Variants in ZNF831 observed in about 807,000 individuals in gnomAD.
ZNF831 encodes chromosome 20 open reading frame 174.
In ZNF831, 59 loss-of-function variants were observed where a neutral mutation model predicts 95.8. The observed-to-expected ratio is 0.62, with a 90% CI of 0.50 to 0.77. ZNF831 has a LOEUF of 0.77. Ranked by LOEUF, ZNF831 falls within the 30% of genes least tolerant of loss-of-function variation. The probability of loss-of-function intolerance (pLI) is 0.00; values close to 1 mark genes in which losing one functional copy is unlikely to be tolerated. For missense variants in ZNF831, 2,205 were observed against 2,164.0 expected (o/e 1.02, Z -0.38); for synonymous variants, 961 against 925.5 (o/e 1.04, Z -0.70).
At chr20:59,196,395 T>G (rs879441578) in intron 3 of ZNF831, among the ~76,000 whole-genome samples, 1 of 152,186 alleles carries the variant, frequency 6.6e-6, no homozygotes, top group Non-Finnish European at 1.5e-5. Context: ...ATCCTAGTAA[T>G]CTCGCCACGC....
Position 59,258,099 on chromosome 20 carries a change from T to G in ZNF831, c.*3356T>G, listed in dbSNP as rs568516212. On this transcript the variant is annotated 3_prime_UTR_variant, in exon 6 of 6. Transcript: ENST00000371030. Reference sequence around the variant, plus strand: ...CCTGTTAGGCTTAACCCTTGAGATTTGAGACAAAGCTAATAATCCCCTTTG... The same window carrying G: ...CCTGTTAGGCTTAACCCTTGAGATTGGAGACAAAGCTAATAATCCCCTTTG... The G allele has an allele frequency of 7.4e-6, 1 of 134,532 alleles. No individual in the cohort carries two copies. Among genetic ancestry groups the G allele is most frequent in the Non-Finnish European group, 1.5e-5 (1 of 64,988 alleles). 8.3% of individuals were successfully genotyped at this position (134,532 alleles called of 1,614,324 possible). A position where few individuals can be genotyped will look rare whatever the true frequency, so the allele number is the denominator to read the frequency against.
chr20:59,234,367 A>T (rs1600666937), intron 4 of ZNF831, among the ~76,000 whole-genome samples: 1 of 152,218 alleles, frequency 6.6e-6, no homozygotes, highest in Non-Finnish European at 1.5e-5. Context: ...GTGGGCCTGA[A>T]ATTCTTAATA....
chr20:59,243,361 G>A (rs1987433431), intron 4 of ZNF831, among the ~76,000 whole-genome samples: 1 of 152,222 alleles, frequency 6.6e-6, no homozygotes, highest in South Asian at 2.1e-4. Flanking sequence ...ACCTAATCAC[G>A]TTGAAGAGGT....
At chr20:59,199,071 A>ATATCTATCTATC (rs71183162) in intron 3 of ZNF831, among the ~76,000 whole-genome samples, 1 of 95,314 alleles carries the variant, frequency 1.0e-5, no homozygotes, top group Non-Finnish European at 2.1e-5. Context: ...ATCAACTTAC[A>ATATCTATCTATC]TATCTATCTA....
At chr20:59,225,524 G>A (rs754389556) in intron 4 of ZNF831, among the ~76,000 whole-genome samples, 6 of 152,180 alleles carry the variant, frequency 3.9e-5, no homozygotes, top group South Asian at 2.1e-4. Context: ...ATTAATCAAC[G>A]TCTGTTGGAA....
At position 59,208,176 on chromosome 20, in the gene ZNF831, G is replaced by C. The variant is rs954676639; in HGVS notation, c.4027+1120G>C. 6.6e-6 allele frequency among the ~76,000 whole-genome samples: 1 copy of C among 152,220 alleles called. No individual in the cohort carries two copies. The highest frequency in any genetic ancestry group is 2.4e-5 in the African/African-American group (1 of 41,468). ...GAGAGGCTGGGATGCAGGGGGTTGG[G>C]TAGGTGGAAATTCCATCAAGAAGCT... On this transcript the variant is annotated intron_variant, in intron 4 of 5. Transcript: ENST00000371030. This position sits in a 1 kb window ranked among gnomAD's most constrained non-coding sequence, Gnocchi z 4.2.
upstream of ZNF831, among the ~76,000 whole-genome samples, chr20:59,163,568 C>G (rs1305999927): frequency 1.3e-5 from 2 of 152,134 alleles, no homozygotes; most frequent in African/African-American, 2.4e-5. Context: ...AAACGACCAC[C>G]TAGGCTCTAA....
rs139885107 is a variant in ZNF831 at position 59,168,633 on chromosome 20, T to C, written c.-37+4426T>C. 8.9e-4 allele frequency among the ~76,000 whole-genome samples: 136 copies of C among 152,238 alleles called. 3 individuals carry two copies. In the East Asian group the frequency reaches 0.024, roughly 27 times the overall value. On this transcript the variant is annotated intron_variant, in intron 1 of 5. Coordinates refer to ENST00000371030, the MANE Select transcript of ZNF831 (RefSeq NM_178457.3). The stretch of plus-strand genomic sequence containing the variant: ...CTAAAACTTTCAGTCATCTTCTGAA[T>C]GAGAGTGATGAGAGTGGACATCTTT...
At chr20:59,231,238 A>G (rs1986704961) in intron 4 of ZNF831, among the ~76,000 whole-genome samples, 1 of 152,250 alleles carries the variant, frequency 6.6e-6, no homozygotes, top group Non-Finnish European at 1.5e-5. Flanking sequence ...ACAACAATGT[A>G]CTGTAGCTGG....
intron 4 of ZNF831, among the ~76,000 whole-genome samples, chr20:59,211,827 G>A (rs1985356198): frequency 6.7e-6 from 1 of 150,050 alleles, no homozygotes; most frequent in African/African-American, 2.5e-5. Context: ...GAGTGTGCCT[G>A]TGTTTTTTTC....
At chr20:59,243,234 A>T (rs537094959) in intron 4 of ZNF831, among the ~76,000 whole-genome samples, 1 of 152,252 alleles carries the variant, frequency 6.6e-6, no homozygotes, top group African/African-American at 2.4e-5. Context: ...TTCCCCCACT[A>T]ACATAGTTTA....
At chr20:59,133,747 G>A (rs1348558504) in intron 1 of ZNF831, among the ~76,000 whole-genome samples, 1 of 152,178 alleles carries the variant, frequency 6.6e-6, no homozygotes, top group African/African-American at 2.4e-5. Flanking sequence ...TTCCAGCTTG[G>A]AAACAGACAC....
At chr20:59,149,280 C>T (rs991675138) in intron 2 of ZNF831, among the ~76,000 whole-genome samples, 3 of 152,134 alleles carry the variant, frequency 2.0e-5, no homozygotes, top group African/African-American at 7.2e-5. Flanking sequence ...ATAAGCCAGA[C>T]GAGATGAAGG....
chr20:59,178,963 ATGTCCCCATATGTCG>A (rs747052290), intron 1 of ZNF831, among the ~76,000 whole-genome samples: 8 of 152,082 alleles, frequency 5.3e-5, no homozygotes, highest in Non-Finnish European at 8.8e-5. Context: ...CAGTCTCCTT[ATGTCCCCATATGTCG>A]TGTCCTTTTA....
intron 3 of ZNF831, among the ~76,000 whole-genome samples, chr20:59,200,831 T>C (rs1438844923): frequency 6.6e-6 from 1 of 152,150 alleles, no homozygotes; most frequent in Non-Finnish European, 1.5e-5. Flanking sequence ...TTCTTATTGC[T>C]AACTAGTATG....
exon 1 of ZNF831, chr20:59,123,488 A>G (rs960145312): frequency 2.0e-5 from 3 of 152,250 alleles, no homozygotes; most frequent in Admixed American, 6.5e-5. Flanking sequence ...GTCTCTGTGC[A>G]TGGCCTGCTG....
chr20:59,150,377 C>T (rs1448020548), intron 2 of ZNF831, among the ~76,000 whole-genome samples: 1 of 152,144 alleles, frequency 6.6e-6, no homozygotes, highest in Non-Finnish European at 1.5e-5. Flanking sequence ...GTAGGGTTGT[C>T]AGATAAAATA....
At chr20:59,143,071 T>A (rs1232859865) in intron 1 of ZNF831, among the ~76,000 whole-genome samples, 1 of 152,164 alleles carries the variant, frequency 6.6e-6, no homozygotes, top group Admixed American at 6.5e-5. Flanking sequence ...GGCTAACTTT[T>A]TAATTTTTGT....
intron 1 of ZNF831, among the ~76,000 whole-genome samples, chr20:59,130,256 T>C (rs1402649663): frequency 6.6e-6 from 1 of 152,120 alleles, no homozygotes; most frequent in African/African-American, 2.4e-5. Context: ...GGCATAGCAT[T>C]TAAGCCGGGC....
Sources: allele counts gnomAD v4.1 joint callset (sites outside exome capture counted in the v4.1 genomes callset), GRCh38; gene constraint gnomAD v4.1.1; non-coding constraint Gnocchi (gnomAD v3.1); transcripts MANE v1.5; gene names NCBI Gene and HGNC (gene_info 2026-07-23, HGNC 2026-07-21).